RNFT2: variants seen among roughly 807,000 people sequenced by gnomAD.
RNFT2 encodes the protein E3 ubiquitin-protein ligase RNFT2.
In RNFT2, 36 loss-of-function variants were observed where a neutral mutation model predicts 53.0. The ratio of observed to expected loss-of-function variants is 0.68; its 90% CI spans 0.52 to 0.90. The LOEUF (loss-of-function observed/expected upper bound fraction) is 0.90. Ranked by LOEUF, RNFT2 falls within the 40% of genes least tolerant of loss-of-function variation. The pLI is 0.00. For missense variants in RNFT2, 514 were observed against 585.6 expected, an observed-to-expected ratio of 0.88 and a Z score of 1.26; for synonymous variants, 260 against 253.2, an observed-to-expected ratio of 1.03 and a Z score of -0.26.
At chr12:116,795,481 A>C (rs1244670852) in intron 7 of RNFT2, among the ~76,000 whole-genome samples, 2 of 152,112 alleles carry the variant, frequency 1.3e-5, no homozygotes, top group Non-Finnish European at 2.9e-5. Context: ...GCGCTGTCTA[A>C]TATAGTAGCT....
intron 7 of RNFT2, among the ~76,000 whole-genome samples, chr12:116,783,671 G>A (rs1393552089): frequency 6.6e-6 from 1 of 152,242 alleles, no homozygotes; most frequent in Non-Finnish European, 1.5e-5. Context: ...ACTGAAGCCA[G>A]TGCTGAGAAG....
intron 7 of RNFT2, among the ~76,000 whole-genome samples, chr12:116,781,792 A>C (rs979092624): frequency 6.6e-6 from 1 of 152,066 alleles, no homozygotes; most frequent in South Asian, 2.1e-4. Context: ...AGGTGTGGAC[A>C]TCGGCTGGGC....
intron 7 of RNFT2, among the ~76,000 whole-genome samples, chr12:116,800,687 G>A (rs1020940509): frequency 6.6e-6 from 1 of 151,698 alleles, no homozygotes; most frequent in Non-Finnish European, 1.5e-5. Context: ...TGTGGTGCGT[G>A]CCTGTAATCC....
rs928107803 is a variant in RNFT2, at chr12:116,814,350, A to G, written c.883-19442A>G. Among the ~76,000 whole-genome samples, 8 of 152,270 alleles carry G rather than the reference A, an allele frequency of 5.3e-5. No homozygotes were observed. In the South Asian group the frequency reaches 1.7e-3, roughly 32 times the overall value. ...AATCAGTAGGCAATATGTCAGATGG[A>G]GATCAAACAGGGAGTGTCATTGTTT... is the stretch of plus-strand genomic sequence containing the variant. On this transcript the variant is annotated intron_variant, in intron 7 of 10. Transcript: ENST00000257575.
At chr12:116,744,425 C>CT (rs1871800991) in intron 3 of RNFT2, among the ~76,000 whole-genome samples, 1 of 152,100 alleles carries the variant, frequency 6.6e-6, no homozygotes, top group African/African-American at 2.4e-5. Context: ...GTATTGAGTG[C>CT]TTATGCTGTG....
At chr12:116,755,244 G>A (rs1165097479) in intron 5 of RNFT2, among the ~76,000 whole-genome samples, 2 of 151,980 alleles carry the variant, frequency 1.3e-5, no homozygotes, top group Non-Finnish European at 2.9e-5. Context: ...TGAAAAGGGT[G>A]TCCTTTCCCC....
chr12:116,841,954 TATATAGAGAGAG>T lies in RNFT2; in HGVS notation c.1200+5674_1200+5685del, dbSNP rs1877354862. On this transcript the variant is annotated intron_variant, in intron 10 of 10. Transcript: ENST00000257575. ...ATATATAAATATATATATAAATATA[TATATAGAGAGAG>T]AGAGAGAGAGAGAGAGAGAGGGAGG... 8.6e-4 allele frequency among the ~76,000 whole-genome samples: 17 copies of T among 19,718 alleles called. 1 individual carries two copies. The South Asian group carries it at 9.8e-3, about 11-fold the overall frequency. The allele number at this position is 19,718 out of a possible 152,430, so 12.9% of individuals were successfully genotyped here.
chr12:116,753,148 CT>C (rs11377177), intron 4 of RNFT2, among the ~76,000 whole-genome samples: 27 of 93,692 alleles, frequency 2.9e-4, no homozygotes, highest in African/African-American at 9.2e-4. Flanking sequence ...TTTTCTTTTT[CT>C]TTTTTTTTTT....
Position 116,824,439 on chromosome 12 carries a change from T to G in RNFT2, c.883-9353T>G, listed in dbSNP as rs144901530. On this transcript the variant is annotated intron_variant, in intron 7 of 10. Coordinates refer to ENST00000257575, the MANE Select transcript of RNFT2 (RefSeq NM_001382266.1). ...TAATAAGACTTAAATTTAAAAAATG[T>G]ATCTCTTTCTCATGTAAAGGCCAAA... Among the ~76,000 whole-genome samples, 382 of 152,304 alleles carry G rather than the reference T, an allele frequency of 2.5e-3. 3 individuals carry two copies. Among genetic ancestry groups the G allele is most frequent in the African/African-American group, 8.6e-3 (356 of 41,580 alleles).
chr12:116,777,689 C>A (rs1250971816), intron 6 of RNFT2, among the ~76,000 whole-genome samples: 1 of 152,182 alleles, frequency 6.6e-6, no homozygotes, highest in Admixed American at 6.5e-5. Flanking sequence ...GTGTCATCAT[C>A]ACTGCTGCAC....
Position 116,750,054 on chromosome 12 carries a change from G to A in RNFT2, c.297G>A (p.Gly99=), listed in dbSNP as rs148340092. The A allele has an allele frequency of 2.7e-3, 4,226 of 1,548,818 alleles. 9 individuals are homozygous for A. The highest frequency in any genetic ancestry group is 3.4e-3 in the Non-Finnish European group (3,883 of 1,148,792). The stretch of plus-strand genomic sequence containing the variant: ...TGCCCGCGTCCAGGGAGGAAGGAGG[G>A]GGCCGGGGCGAGGGGGGCGCCTACC... ...IQMPASREEG[G]GRGEGGAYHH... is the part of the protein sequence containing the mutation. Residue 99 remains glycine, a synonymous_variant, in exon 4 of 11, where the codon GGG becomes GGA. Coordinates refer to ENST00000257575, the MANE Select transcript of RNFT2 (RefSeq NM_001382266.1).
At chr12:116,812,462 T>C (rs935081261) in intron 7 of RNFT2, among the ~76,000 whole-genome samples, 2 of 151,838 alleles carry the variant, frequency 1.3e-5, no homozygotes, top group Non-Finnish European at 2.9e-5. Flanking sequence ...GACTTGTCAC[T>C]ACACTAGGTG....
At chr12:116,816,385 C>T (rs527770088) in intron 7 of RNFT2, among the ~76,000 whole-genome samples, 2 of 152,188 alleles carry the variant, frequency 1.3e-5, no homozygotes, top group Non-Finnish European at 2.9e-5. Context: ...CTTTTGGGGC[C>T]TCAGCCTGGC....
intron 7 of RNFT2, among the ~76,000 whole-genome samples, chr12:116,811,444 C>T (rs11830125): frequency 0.04 from 6,042 of 151,298 alleles, 271 homozygotes; most frequent in East Asian, 0.14. Context: ...GGGGCCATCT[C>T]GGCTCACTGC....
chr12:116,807,229 G>A lies in RNFT2; in HGVS notation c.883-26563G>A, dbSNP rs147634302. On this transcript the variant is annotated intron_variant, in intron 7 of 10. Transcript: ENST00000257575. Reference sequence around the variant, plus strand: ...TGAGAGACTGGAAGCTCAGCAAGGTGTGTTCACTTATCCAGGGTCACACAG... The same window carrying A: ...TGAGAGACTGGAAGCTCAGCAAGGTATGTTCACTTATCCAGGGTCACACAG... Among the ~76,000 whole-genome samples the A allele has an allele frequency of 3.2e-3, 490 of 152,272 alleles. 2 individuals are homozygous for A. The highest frequency in any genetic ancestry group is 0.011 in the African/African-American group (472 of 41,552).
At chr12:116,757,942 C>T (rs1465188702) in intron 5 of RNFT2, among the ~76,000 whole-genome samples, 2 of 152,136 alleles carry the variant, frequency 1.3e-5, no homozygotes, top group East Asian at 1.9e-4. Flanking sequence ...CCTACTATTA[C>T]TATGTTGCTG....
chr12:116,758,345 C>T (rs1308397213), intron 5 of RNFT2, among the ~76,000 whole-genome samples: 5 of 152,130 alleles, frequency 3.3e-5, no homozygotes, highest in African/African-American at 4.8e-5. Flanking sequence ...ATGTGAGGTA[C>T]CATTGCATTC....
rs80133541 is a variant in RNFT2, at chr12:116,829,632, C to G, written c.883-4160C>G. On this transcript the variant is annotated intron_variant, in intron 7 of 10. Coordinates refer to ENST00000257575, the MANE Select transcript of RNFT2 (RefSeq NM_001382266.1). ...GAATATAAAAGTTGGCTATAAATCTCTGTCCACATGCCACGCATACGATGT... is the reference window on the plus strand; with the variant it reads ...GAATATAAAAGTTGGCTATAAATCTGTGTCCACATGCCACGCATACGATGT... Among the ~76,000 whole-genome samples, 936 of 152,300 alleles carry G rather than the reference C, an allele frequency of 6.1e-3. 21 individuals are homozygous for G. In the East Asian group the frequency reaches 0.07, roughly 11 times the overall value.
intron 4 of RNFT2, among the ~76,000 whole-genome samples, chr12:116,751,750 G>GTTTGTT (rs576133822): frequency 1.3e-3 from 197 of 151,084 alleles, no homozygotes; most frequent in Non-Finnish European, 1.7e-3. Flanking sequence ...TTTTTTGTTT[G>GTTTGTT]TTTGTTTTTG....
Sources: gnomAD v4.1 joint callset for allele counts (sites outside exome capture counted in the v4.1 genomes callset) on GRCh38, gnomAD v4.1.1 for gene constraint, MANE v1.5 for transcripts, NCBI Gene and HGNC (gene_info 2026-07-23, HGNC 2026-07-21) for gene names.